STK32A: variants seen among roughly 807,000 people sequenced by gnomAD.
The protein encoded by STK32A is serine/threonine kinase 32A.
A neutral mutation model predicts 53.2 loss-of-function variants in STK32A; 41 were observed. The ratio of observed to expected loss-of-function variants is 0.77; its 90% CI spans 0.60 to 1.00. The LOEUF (loss-of-function observed/expected upper bound fraction) is 1.00. Ranked by LOEUF, STK32A falls within the 50% of genes least tolerant of loss-of-function variation. STK32A has a pLI of 0.00. For synonymous variants in STK32A, 166 were observed against 162.8 expected (o/e 1.02, Z -0.15); for missense variants, 458 against 485.8 (o/e 0.94, Z 0.54).
At chr5:147,278,956 A>C (rs1274944137) in intron 3 of STK32A, among the ~76,000 whole-genome samples, 1 of 152,196 alleles carries the variant, frequency 6.6e-6, no homozygotes, top group African/African-American at 2.4e-5. Context: ...TGTTATTGGA[A>C]TATTCCTGAC....
At chr5:147,310,055 CACT>C (rs567400497) in intron 4 of STK32A, among the ~76,000 whole-genome samples, 97 of 152,150 alleles carry the variant, frequency 6.4e-4, no homozygotes, top group African/African-American at 2.3e-3. Flanking sequence ...ACAAAATCAC[CACT>C]GATACTTTAA....
intron 4 of STK32A, among the ~76,000 whole-genome samples, chr5:147,300,317 A>T (rs928473878): frequency 6.6e-6 from 1 of 152,152 alleles, no homozygotes; most frequent in African/African-American, 2.4e-5. Context: ...CAAACCCAAG[A>T]ATCCTGACTT....
intron 4 of STK32A, among the ~76,000 whole-genome samples, chr5:147,289,646 C>T (rs76052183): frequency 0.054 from 8,139 of 151,706 alleles, 323 homozygotes; most frequent in Non-Finnish European, 0.084. Flanking sequence ...ATGAATATCA[C>T]ATATATATGT....
At chr5:147,369,694 A>T (rs1331145868) in intron 8 of STK32A, among the ~76,000 whole-genome samples, 1 of 152,206 alleles carries the variant, frequency 6.6e-6, no homozygotes. Flanking sequence ...ATCCATCAAC[A>T]GTCATTTATT....
intron 7 of STK32A, among the ~76,000 whole-genome samples, chr5:147,358,275 A>G (rs1756347546): frequency 6.6e-6 from 1 of 152,194 alleles, no homozygotes; most frequent in South Asian, 2.1e-4. Flanking sequence ...ATAAAGGGTC[A>G]GTTATTGCCA....
At chr5:147,364,215 CAAA>C (rs764357691) in intron 8 of STK32A, among the ~76,000 whole-genome samples, 5 of 66,866 alleles carry the variant, frequency 7.5e-5, no homozygotes, top group Middle Eastern at 8.6e-3. Context: ...AACTCCATCT[CAAA>C]AAAAAAAAAA....
intron 4 of STK32A, among the ~76,000 whole-genome samples, chr5:147,295,237 G>T (rs1268720417): frequency 6.6e-6 from 1 of 152,050 alleles, no homozygotes; most frequent in Non-Finnish European, 1.5e-5. Flanking sequence ...ATGACTTTAC[G>T]ATTTAGTTAC....
intron 4 of STK32A, among the ~76,000 whole-genome samples, chr5:147,302,677 T>C (rs1753197619): frequency 1.3e-5 from 2 of 152,106 alleles, no homozygotes; most frequent in South Asian, 4.1e-4. Context: ...TCTCTTCTAG[T>C]CATTTATAGA....
At chr5:147,378,899 CTATTCAAGCCCT>C (rs1292210025) in intron 11 of STK32A, among the ~76,000 whole-genome samples, 1 of 61,942 alleles carries the variant, frequency 1.6e-5, no homozygotes, top group African/African-American at 5.9e-5. Flanking sequence ...ATTGTCTTGA[CTATTCAAGCCCT>C]TATTTGGTTC....
chr5:147,397,673 C>G, the STK32A span: 1 of 1,613,314 alleles, frequency 6.2e-7, no homozygotes, highest in Non-Finnish European at 8.5e-7. Flanking sequence ...TACCTTCCTC[C>G]GTGCTTTAAT....
intron 2 of STK32A, among the ~76,000 whole-genome samples, chr5:147,256,633 T>G (rs1298929503): frequency 6.6e-6 from 1 of 152,180 alleles, no homozygotes; most frequent in Non-Finnish European, 1.5e-5. Flanking sequence ...TGTCTCAGCC[T>G]CCCGAGTAGC....
At chr5:147,281,881 G>A (rs760889142) in intron 4 of STK32A, among the ~76,000 whole-genome samples, 2 of 152,096 alleles carry the variant, frequency 1.3e-5, no homozygotes, top group Non-Finnish European at 2.9e-5. Context: ...ACCTACAAAG[G>A]AAAACCTATT....
chr5:147,274,564 T>G (rs1023322364), intron 2 of STK32A, among the ~76,000 whole-genome samples: 1 of 152,244 alleles, frequency 6.6e-6, no homozygotes, highest in Non-Finnish European at 1.5e-5. Flanking sequence ...ATTGAAATGA[T>G]GCTGATTCCA....
At chr5:147,348,850 T>C (rs1755817802) in intron 6 of STK32A, 6 of 676,322 alleles carry the variant, frequency 8.9e-6, no homozygotes, top group Non-Finnish European at 1.7e-5. Flanking sequence ...AAGTCTCCTG[T>C]AATCATTCTT....
At chr5:147,349,088 T>C (rs1197120515) in intron 6 of STK32A, among the ~76,000 whole-genome samples, 1 of 152,030 alleles carries the variant, frequency 6.6e-6, no homozygotes, top group Non-Finnish European at 1.5e-5. Flanking sequence ...GCAGGACCCA[T>C]GGGGAGAAAG....
At chr5:147,324,537 A>T (rs960168917) in intron 5 of STK32A, among the ~76,000 whole-genome samples, 1 of 152,220 alleles carries the variant, frequency 6.6e-6, no homozygotes, top group Admixed American at 6.5e-5. Flanking sequence ...AGAAAAAGCA[A>T]TAGCAATGTC....
intron 3 of STK32A, among the ~76,000 whole-genome samples, chr5:147,278,661 A>G (rs997540629): frequency 1.3e-5 from 2 of 152,214 alleles, no homozygotes; most frequent in African/African-American, 4.8e-5. Context: ...CTGTATTCAA[A>G]CCCTGATTAC....
intron 4 of STK32A, among the ~76,000 whole-genome samples, chr5:147,296,322 C>T (rs1752863327): frequency 6.6e-6 from 1 of 151,184 alleles, no homozygotes; most frequent in Non-Finnish European, 1.5e-5. Flanking sequence ...GCCAGATGGG[C>T]AGCTTGAGAG....
chr5:147,383,175 TC>T, intron 11 of STK32A: 1 of 453,380 alleles, frequency 2.2e-6, no homozygotes. Flanking sequence ...TTGCAAGCTT[TC>T]AATAGACTCC....
Sources: allele counts gnomAD v4.1 joint callset (sites outside exome capture counted in the v4.1 genomes callset), GRCh38; gene constraint gnomAD v4.1.1; transcripts MANE v1.5; gene names NCBI Gene and HGNC (gene_info 2026-07-23, HGNC 2026-07-21).